ASIC2: variants seen among roughly 807,000 people sequenced by gnomAD.
ASIC2 encodes acid sensing ion channel subunit 2.
ASIC2 carries 25 observed loss-of-function variants against 57.3 expected under a neutral mutation model. The observed-to-expected ratio is 0.44, with a 90% CI of 0.32 to 0.61. ASIC2 has a LOEUF of 0.61. Ranked by LOEUF, ASIC2 falls within the 20% of genes least tolerant of loss-of-function variation. The pLI is 0.06. For synonymous variants in ASIC2, 319 were observed against 307.5 expected (o/e 1.04, Z -0.39); for missense variants, 641 against 738.1 (o/e 0.87, Z 1.52).
In ASIC2 at chr17:33,718,225, G is replaced by T. The variant is rs145057710; in HGVS notation, c.555+437753C>A. Among the ~76,000 whole-genome samples, 937 of 152,298 alleles carry T rather than the reference G, an allele frequency of 6.2e-3. 7 individuals are homozygous for T. Among genetic ancestry groups the T allele is most frequent in the Non-Finnish European group, 9.8e-3 (664 of 68,024 alleles). ...GTAAATGCTATGTAAATGGTTGTTA[G>T]ACTGTAATTTAAGCATTTTTTATTG... On this transcript the variant is annotated intron_variant, in intron 1 of 9. Coordinates refer to the ASIC2 transcript ENST00000359872.
intron 1 of ASIC2, among the ~76,000 whole-genome samples, chr17:33,494,473 A>G (rs373502993): frequency 1.2e-4 from 18 of 152,216 alleles, no homozygotes; most frequent in Admixed American, 5.2e-4. Context: ...AAGGAGCATA[A>G]CAAGACATTC....
rs554956230 is a variant in ASIC2, at chr17:33,859,375, G to A, written c.555+296603C>T. 2.0e-5 allele frequency among the ~76,000 whole-genome samples: 3 copies of A among 152,278 alleles called. No homozygotes were observed. In the South Asian group the frequency reaches 6.2e-4, roughly 32 times the overall value. ...TTGTTGAAAGAACCAGGAAAAGAAA[G>A]GAGGAAATGAGGAAAAGGGGGGAGG... On this transcript the variant is annotated intron_variant, in intron 1 of 9. Transcript: ENST00000359872.
chr17:33,030,927 G>A (rs1347987148), intron 3 of ASIC2, among the ~76,000 whole-genome samples: 2 of 151,982 alleles, frequency 1.3e-5, no homozygotes, highest in Non-Finnish European at 1.5e-5. Flanking sequence ...TCTTGTGGAG[G>A]TTTTTTGCAT....
intron 1 of ASIC2, among the ~76,000 whole-genome samples, chr17:33,638,241 T>C (rs1160615280): frequency 6.6e-6 from 1 of 152,112 alleles, no homozygotes; most frequent in Admixed American, 6.5e-5. Flanking sequence ...TCCTAACCTG[T>C]GGTGTTTCAT....
At chr17:34,042,139 T>A (rs1194350929) in intron 1 of ASIC2, among the ~76,000 whole-genome samples, 1 of 152,214 alleles carries the variant, frequency 6.6e-6, no homozygotes, top group African/African-American at 2.4e-5. Context: ...TATAAAATGG[T>A]ACAACCACTT....
At chr17:33,544,755 C>T (rs553756509) in intron 1 of ASIC2, among the ~76,000 whole-genome samples, 11 of 152,116 alleles carry the variant, frequency 7.2e-5, no homozygotes, top group African/African-American at 2.4e-4. Flanking sequence ...ATATATCACC[C>T]TTATACATAC....
At chr17:33,986,927 G>C (rs746264084) in intron 1 of ASIC2, among the ~76,000 whole-genome samples, 1 of 152,192 alleles carries the variant, frequency 6.6e-6, no homozygotes, top group Non-Finnish European at 1.5e-5. Flanking sequence ...CGGAATCAGA[G>C]ACTTGGGAGC....
intron 1 of ASIC2, among the ~76,000 whole-genome samples, chr17:33,842,565 G>A (rs1012994641): frequency 1.3e-5 from 2 of 152,192 alleles, no homozygotes; most frequent in Non-Finnish European, 2.9e-5. Flanking sequence ...AAGTCACAGA[G>A]GTGGTCATGG....
chr17:33,061,607 A>G (rs1305732761), intron 3 of ASIC2, among the ~76,000 whole-genome samples: 1 of 152,190 alleles, frequency 6.6e-6, no homozygotes, highest in Non-Finnish European at 1.5e-5. Context: ...CATCAGGGAT[A>G]TTGGTCTAAA....
chr17:33,809,303 T>C (rs1479545663), intron 1 of ASIC2, among the ~76,000 whole-genome samples: 1 of 152,152 alleles, frequency 6.6e-6, no homozygotes, highest in Admixed American at 6.5e-5. Flanking sequence ...GTGGAGTGTG[T>C]GTGTTTAGAG....
At chr17:33,472,353 A>G (rs562707816) in intron 1 of ASIC2, among the ~76,000 whole-genome samples, 9 of 152,148 alleles carry the variant, frequency 5.9e-5, no homozygotes, top group Non-Finnish European at 1.3e-4. Context: ...ATTGCTTGCT[A>G]AACACCCACC....
chr17:34,039,167 C>T (rs1908003460), intron 1 of ASIC2: 2 of 1,613,898 alleles, frequency 1.2e-6, no homozygotes, highest in Non-Finnish European at 1.7e-6. Context: ...AATAAATCAT[C>T]TATTCTTCCC....
At chr17:33,446,294 A>G (rs976665310) in intron 1 of ASIC2, among the ~76,000 whole-genome samples, 2 of 152,168 alleles carry the variant, frequency 1.3e-5, no homozygotes, top group Non-Finnish European at 2.9e-5. Flanking sequence ...GAATCTGAAC[A>G]TAGTAATCCC....
Position 34,099,162 on chromosome 17 carries a change from GAGAAAGAAAGAAAGAA to G in ASIC2, c.555+56800_555+56815del, listed in dbSNP as rs759417669. ...AGAGAGAGACAGAGAGAGAGAGAGA[GAGAAAGAAAGAAAGAA>G]AGAAAGAAAGAAAGAAAGAAAGAAA... On this transcript the variant is annotated intron_variant, in intron 1 of 9. Transcript: ENST00000359872. 1.4e-3 allele frequency among the ~76,000 whole-genome samples: 60 copies of G among 41,956 alleles called. 1 individual carries two copies. The East Asian group carries it at 0.015, about 10-fold the overall frequency. The allele number at this position is 41,956 out of a possible 152,430, so 27.5% of individuals were successfully genotyped here. A position where few individuals can be genotyped will look rare whatever the true frequency, so the allele number is the denominator to read the frequency against.
At chr17:33,379,984 G>A (rs1384124935) in intron 1 of ASIC2, among the ~76,000 whole-genome samples, 1 of 152,158 alleles carries the variant, frequency 6.6e-6, no homozygotes, top group Admixed American at 6.5e-5. Flanking sequence ...GGAGGCTCAT[G>A]CCTCTAATTC....
intron 1 of ASIC2, among the ~76,000 whole-genome samples, chr17:33,445,797 CAAAA>C (rs60125160): frequency 0.31 from 37,151 of 120,820 alleles, 4,801 homozygotes; most frequent in South Asian, 0.39. Context: ...AACTCCATCT[CAAAA>C]AAAAAAAAAA....
chr17:33,534,961 T>C (rs1475513848), intron 1 of ASIC2, among the ~76,000 whole-genome samples: 1 of 152,226 alleles, frequency 6.6e-6, no homozygotes, highest in East Asian at 1.9e-4. Flanking sequence ...AAGTGCCTTA[T>C]GAGTATCATT....
chr17:33,608,093 G>A (rs1281079870), intron 1 of ASIC2, among the ~76,000 whole-genome samples: 3 of 152,028 alleles, frequency 2.0e-5, no homozygotes, highest in African/African-American at 4.8e-5. Flanking sequence ...AGGAAAGGAA[G>A]GTATTGGGAC....
chr17:33,576,724 T>C (rs1392793221), intron 1 of ASIC2, among the ~76,000 whole-genome samples: 1 of 152,110 alleles, frequency 6.6e-6, no homozygotes, highest in Non-Finnish European at 1.5e-5. Flanking sequence ...GGAGATGTTT[T>C]CTCCTTACTC....
Sources: gnomAD v4.1 joint callset for allele counts (sites outside exome capture counted in the v4.1 genomes callset) on GRCh38, gnomAD v4.1.1 for gene constraint, MANE v1.5 for transcripts, NCBI Gene and HGNC (gene_info 2026-07-23, HGNC 2026-07-21) for gene names.